KCNAB1: variants seen among roughly 807,000 people sequenced by gnomAD.
KCNAB1 encodes the protein voltage-gated potassium channel subunit beta-1.
Under a neutral mutation model 64.6 loss-of-function variants are expected in KCNAB1, and 35 were observed. The ratio of observed to expected loss-of-function variants is 0.54; its 90% confidence interval spans 0.41 to 0.72. The LOEUF (loss-of-function observed/expected upper bound fraction) is 0.72, where lower values mean the gene tolerates loss of function less well. Among genes scored for constraint, KCNAB1 ranks in the 30% least tolerant of loss-of-function variants. KCNAB1 has a pLI of 0.00. For synonymous variants in KCNAB1, 177 were observed against 183.8 expected (o/e 0.96, Z 0.30); for missense variants, 401 against 512.9 (o/e 0.78, Z 2.11).
In KCNAB1 at chr3:156,171,843, G is replaced by T. The variant is rs1302660138; in HGVS notation, c.275+50957G>T. Among the ~76,000 whole-genome samples, 3 of 152,194 alleles carry T rather than the reference G, an allele frequency of 2.0e-5. No homozygotes were observed. In the East Asian group the frequency reaches 5.8e-4, roughly 29 times the overall value. ...GACAAAAATGCCTAGCCTATTGGTG[G>T]ATTCCATTTTGTAAGCTTATTTTTA... On this transcript the variant is annotated intron_variant, in intron 1 of 13. Coordinates refer to ENST00000490337, the MANE Select transcript of KCNAB1 (RefSeq NM_172160.3).
chr3:156,392,693 G>C (rs1292094790), intron 1 of KCNAB1, among the ~76,000 whole-genome samples: 1 of 152,162 alleles, frequency 6.6e-6, no homozygotes, highest in Non-Finnish European at 1.5e-5. Flanking sequence ...TTTTTGTGAT[G>C]TATGAATGTT....
intron 1 of KCNAB1, among the ~76,000 whole-genome samples, chr3:156,267,786 A>G (rs1047529928): frequency 6.6e-6 from 1 of 152,114 alleles, no homozygotes; most frequent in Non-Finnish European, 1.5e-5. Flanking sequence ...TAGTAGGTGT[A>G]TATATTTATG....
chr3:156,390,108 A>G (rs1419009986), intron 1 of KCNAB1, among the ~76,000 whole-genome samples: 2 of 152,222 alleles, frequency 1.3e-5, no homozygotes, highest in Non-Finnish European at 2.9e-5. Flanking sequence ...GGGCACTTGC[A>G]TATTTTTTAT....
intron 1 of KCNAB1, among the ~76,000 whole-genome samples, chr3:156,273,283 A>G (rs1052017534): frequency 6.6e-6 from 1 of 152,214 alleles, no homozygotes; most frequent in African/African-American, 2.4e-5. Flanking sequence ...CATAGCATTC[A>G]GACTTGCCTA....
intron 1 of KCNAB1, among the ~76,000 whole-genome samples, chr3:156,268,742 C>T (rs1472931488): frequency 1.3e-5 from 2 of 151,970 alleles, no homozygotes; most frequent in East Asian, 1.9e-4. Context: ...GTTGGTTGAG[C>T]TTCTTATATA....
intron 1 of KCNAB1, chr3:156,292,207 A>G: frequency 6.7e-7 from 1 of 1,503,650 alleles, no homozygotes; most frequent in Non-Finnish European, 9.2e-7. Context: ...CGGTTTTGAA[A>G]AGTGATTTAC....
In KCNAB1 at chr3:156,515,081, T is replaced by A; in HGVS notation, c.745-19T>A. 1 of 1,586,802 alleles carries A rather than the reference T, an allele frequency of 6.3e-7. No homozygotes were observed. On this transcript the variant is annotated intron_variant, in intron 9 of 13. Transcript: ENST00000490337. ...TTTCTCATCAGTATAAATTTGGTTG[T>A]AATCTCATTCCTCCCTAGGAAGCCT...
chr3:156,129,210 C>T (rs1713844795), intron 1 of KCNAB1, among the ~76,000 whole-genome samples: 2 of 152,068 alleles, frequency 1.3e-5, no homozygotes. Flanking sequence ...GAGCTACCTC[C>T]CTGCTGAATA....
chr3:156,391,676 C>T (rs1315872111), intron 1 of KCNAB1, among the ~76,000 whole-genome samples: 5 of 152,128 alleles, frequency 3.3e-5, no homozygotes, highest in South Asian at 2.1e-4. Context: ...GAAAATAAAA[C>T]GAAGTAGAAA....
At chr3:156,512,100 C>T (rs1462673651) in intron 8 of KCNAB1, among the ~76,000 whole-genome samples, 5 of 152,242 alleles carry the variant, frequency 3.3e-5, no homozygotes, top group African/African-American at 1.2e-4. Context: ...TCCCAGTCCC[C>T]TGTGTTATTT....
intron 1 of KCNAB1, among the ~76,000 whole-genome samples, chr3:156,386,159 A>C (rs1399319588): frequency 1.3e-5 from 2 of 152,232 alleles, no homozygotes; most frequent in Non-Finnish European, 2.9e-5. Flanking sequence ...TTATTTTAAA[A>C]GGCTTTAGAA....
chr3:156,487,521 G>A (rs910132224), intron 8 of KCNAB1, among the ~76,000 whole-genome samples: 1 of 152,094 alleles, frequency 6.6e-6, no homozygotes, highest in Admixed American at 6.6e-5. Context: ...CTCCAGTGAA[G>A]CCAATCATAC....
intron 1 of KCNAB1, among the ~76,000 whole-genome samples, chr3:156,313,066 A>G (rs1722033347): frequency 6.6e-6 from 1 of 152,192 alleles, no homozygotes; most frequent in Non-Finnish European, 1.5e-5. Flanking sequence ...CTTAGGAGGT[A>G]TCGATGGTCT....
chr3:156,234,355 A>G (rs1716730005), intron 1 of KCNAB1, among the ~76,000 whole-genome samples: 1 of 152,094 alleles, frequency 6.6e-6, no homozygotes, highest in Non-Finnish European at 1.5e-5. Context: ...AGGAGAAGAG[A>G]GAACTGCTGC....
intron 1 of KCNAB1, among the ~76,000 whole-genome samples, chr3:156,331,899 A>G (rs181998514): frequency 9.0e-4 from 137 of 152,298 alleles, no homozygotes; most frequent in Non-Finnish European, 1.5e-3. Context: ...GATGAGCCAG[A>G]CAAACATTAA....
At chr3:156,259,947 C>T (rs897748926) in intron 1 of KCNAB1, among the ~76,000 whole-genome samples, 5 of 152,162 alleles carry the variant, frequency 3.3e-5, no homozygotes, top group Non-Finnish European at 5.9e-5. Context: ...TTATGCCCAA[C>T]GGGGAACGTT....
chr3:156,273,200 G>A (rs928613582), intron 1 of KCNAB1, among the ~76,000 whole-genome samples: 11 of 151,864 alleles, frequency 7.2e-5, no homozygotes, highest in Admixed American at 2.0e-4. Flanking sequence ...GGTGGAACAA[G>A]TACTCCCTTA....
chr3:156,354,915 T>C (rs1725134317), intron 1 of KCNAB1, among the ~76,000 whole-genome samples: 2 of 152,330 alleles, frequency 1.3e-5, no homozygotes, highest in South Asian at 4.2e-4. Flanking sequence ...AGAATACTAG[T>C]TCATACTCAG....
chr3:156,351,255 ATC>A (rs1724840194), intron 1 of KCNAB1, among the ~76,000 whole-genome samples: 1 of 152,240 alleles, frequency 6.6e-6, no homozygotes, highest in South Asian at 2.1e-4. Context: ...CAAACACGGA[ATC>A]TAGTGAACAA....
Sources: gnomAD v4.1 joint callset for allele counts (sites outside exome capture counted in the v4.1 genomes callset) on GRCh38, gnomAD v4.1.1 for gene constraint, MANE v1.5 for transcripts, NCBI Gene and HGNC (gene_info 2026-07-23, HGNC 2026-07-21) for gene names.